Variants in ARID4B observed in about 807,000 individuals in gnomAD.
ARID4B encodes AT-rich interactive domain-containing protein 4B.
Under a neutral mutation model 147.5 loss-of-function variants are expected in ARID4B, and 26 were observed. The observed-to-expected ratio is 0.18, with a 90% confidence interval of 0.13 to 0.24. The LOEUF is 0.24. ARID4B is among the 10% of genes least tolerant of loss of function. The pLI, the probability that ARID4B is intolerant of heterozygous loss-of-function variation, is 1.00. For synonymous variants in ARID4B, 512 were observed against 507.9 expected (o/e 1.01, Z -0.11); for missense variants, 1,179 against 1,511.5 (o/e 0.78, Z 3.65).
chr1:235,231,763 T>C (rs923378976), intron 9 of ARID4B, among the ~76,000 whole-genome samples: 4 of 152,152 alleles, frequency 2.6e-5, no homozygotes, highest in Admixed American at 6.6e-5. Flanking sequence ...ACTGGGATTA[T>C]AGGCATGAGC....
intron 17 of ARID4B, among the ~76,000 whole-genome samples, chr1:235,198,252 C>T (rs900619649): frequency 6.6e-6 from 1 of 152,104 alleles, no homozygotes; most frequent in African/African-American, 2.4e-5. Context: ...GTTTTACTAT[C>T]AATAAAAAAC....
At position 235,287,270 on chromosome 1, in the gene ARID4B, A is replaced by ATT. The variant is rs34889138; in HGVS notation, c.7-26520_7-26519dup. Among the ~76,000 whole-genome samples the ATT allele has an allele frequency of 6.5e-4, 97 of 149,302 alleles. No homozygotes were observed. The South Asian group carries it at 0.013, about 20-fold the overall frequency. ...TAAGACTCTGTCTCAGAAAAAATAA[A>ATT]TTTTTTTTTTTTACCTTTTTTCTCC... On this transcript the variant is annotated intron_variant, in intron 2 of 23. Transcript: ENST00000264183.
rs1461912988 is a variant in ARID4B at position 235,173,788 on chromosome 1, ATATATATATATATATATATATATATG to A, written c.3665-1050_3665-1025del. ...AAAAAAAAAATATATATATATATAT[ATATATATATATATATATATATATATG>A]TATACCTAAAACATATATATATATA... On this transcript the variant is annotated intron_variant, in intron 22 of 23. Coordinates refer to ENST00000264183, the MANE Select transcript of ARID4B (RefSeq NM_016374.6). Among the ~76,000 whole-genome samples the A allele has an allele frequency of 6.8e-3, 473 of 69,270 alleles. 17 individuals carry two copies. Among genetic ancestry groups the A allele is most frequent in the African/African-American group, 0.028 (440 of 15,722 alleles). The allele number at this position is 69,270 out of a possible 152,430, so 45.4% of individuals were successfully genotyped here. A position where few individuals can be genotyped will look rare whatever the true frequency, so the allele number is the denominator to read the frequency against.
At chr1:235,221,472 TAAAG>T in intron 14 of ARID4B, 89 bp downstream of exon 14, 1 of 670,678 alleles carries the variant, frequency 1.5e-6, no homozygotes, top group East Asian at 2.7e-5. Flanking sequence ...CTGATTTCTT[TAAAG>T]AAATAATTAA....
chr1:235,213,057 G>T (rs578102076), intron 17 of ARID4B, among the ~76,000 whole-genome samples: 1 of 152,170 alleles, frequency 6.6e-6, no homozygotes, highest in Admixed American at 6.5e-5. Context: ...AAACTGGCTT[G>T]CCAATTTTGG....
At chr1:235,212,148 A>G (rs1442983135) in intron 17 of ARID4B, among the ~76,000 whole-genome samples, 1 of 152,152 alleles carries the variant, frequency 6.6e-6, no homozygotes, top group Non-Finnish European at 1.5e-5. Context: ...AGGAGGCTGC[A>G]GCACAAGAAT....
chr1:235,310,929 C>T (rs141797601), intron 2 of ARID4B, among the ~76,000 whole-genome samples: 164 of 152,280 alleles, frequency 1.1e-3, no homozygotes, highest in African/African-American at 3.7e-3. Context: ...TATCAGCCTA[C>T]CAAACTGCTG....
chr1:235,232,994 T>C (rs1188502782), intron 9 of ARID4B, among the ~76,000 whole-genome samples: 1 of 152,050 alleles, frequency 6.6e-6, no homozygotes, highest in African/African-American at 2.4e-5. Flanking sequence ...CCCACCACCA[T>C]GCCTGGCTAA....
intron 2 of ARID4B, among the ~76,000 whole-genome samples, chr1:235,315,116 A>G (rs953174724): frequency 6.6e-6 from 1 of 152,206 alleles, no homozygotes; most frequent in African/African-American, 2.4e-5. Flanking sequence ...AAAAGTCTAC[A>G]TATAAAGTAT....
chr1:235,310,964 C>T (rs915904036), intron 2 of ARID4B, among the ~76,000 whole-genome samples: 16 of 152,256 alleles, frequency 1.1e-4, no homozygotes, highest in Admixed American at 9.8e-4. Context: ...AGCCACCGCA[C>T]CCGGCCCCCA....
intron 13 of ARID4B, among the ~76,000 whole-genome samples, chr1:235,222,678 CTTTTT>C (rs35090143): frequency 7.6e-6 from 1 of 130,768 alleles, no homozygotes; most frequent in Admixed American, 7.8e-5. Context: ...GAAAAAAAAT[CTTTTT>C]TTTTTTTTTT....
At chr1:235,226,350 T>C (rs1380814361) in intron 11 of ARID4B, among the ~76,000 whole-genome samples, 2 of 152,088 alleles carry the variant, frequency 1.3e-5, no homozygotes, top group Non-Finnish European at 2.9e-5. Context: ...GGAGCAGTAG[T>C]AATTCTTTTT....
Position 235,213,839 on chromosome 1 carries a change from T to C in ARID4B, c.1771A>G (p.Ser591Gly), listed in dbSNP as rs1666863003. The C allele has an allele frequency of 1.2e-6, 2 of 1,614,026 alleles. No homozygotes were observed. Among genetic ancestry groups the C allele is most frequent in the Non-Finnish European group, 1.7e-6 (2 of 1,179,998 alleles). Residue 591 changes from serine to glycine, a missense_variant, in exon 17 of 24, where the codon AGT becomes GGT. Physicochemically the swap from Ser to Gly is moderately conservative, Grantham distance 56. This residue lies in a region of ARID4B where 28 missense variants were observed against 67.6 expected (regional missense o/e 0.41). Coordinates refer to ENST00000264183, the MANE Select transcript of ARID4B (RefSeq NM_016374.6). ...CCTTCGACATCAGAATCTTTAATAC[T>C]AGCTTCATACATTTTTTGATTTTTC... The part of the protein sequence containing the change: ...RGKNQKMYEA[S>G]IKDSDVEGGE...
chr1:235,234,085 A>C (rs1038466712), intron 9 of ARID4B, among the ~76,000 whole-genome samples: 11 of 152,240 alleles, frequency 7.2e-5, no homozygotes, highest in Admixed American at 7.2e-4. Flanking sequence ...TCTCAAAAAA[A>C]ACAAAAAAAT....
chr1:235,188,566 T>C (rs1664852521), intron 19 of ARID4B, among the ~76,000 whole-genome samples: 1 of 152,118 alleles, frequency 6.6e-6, no homozygotes, highest in African/African-American at 2.4e-5. Context: ...CTAACAACTG[T>C]TGAAGGCACA....
intron 2 of ARID4B, among the ~76,000 whole-genome samples, chr1:235,290,928 T>A (rs1672294183): frequency 6.6e-6 from 1 of 152,320 alleles, no homozygotes; most frequent in South Asian, 2.1e-4. Context: ...CTACCGTGTC[T>A]GTACAAACAA....
chr1:235,302,876 CAGTA>C (rs1335560444), intron 2 of ARID4B, among the ~76,000 whole-genome samples: 1 of 152,148 alleles, frequency 6.6e-6, no homozygotes, highest in African/African-American at 2.4e-5. Flanking sequence ...CATCACAAGG[CAGTA>C]AGTAATAGTG....
At chr1:235,171,382 G>A (rs1031518721) in intron 23 of ARID4B, among the ~76,000 whole-genome samples, 2 of 151,178 alleles carry the variant, frequency 1.3e-5, no homozygotes, top group African/African-American at 4.9e-5. Flanking sequence ...GTAGTGAGCT[G>A]AGATCGCGCC....
chr1:235,244,599 A>G (rs1193781865), intron 7 of ARID4B, among the ~76,000 whole-genome samples: 1 of 152,188 alleles, frequency 6.6e-6, no homozygotes, highest in Non-Finnish European at 1.5e-5. Context: ...AAAGTAATCA[A>G]TTTTGGAATA....
Sources: gnomAD v4.1 joint callset for allele counts (sites outside exome capture counted in the v4.1 genomes callset) on GRCh38, gnomAD v4.1.1 for gene constraint, gnomAD v4.1.1 regional missense constraint, MANE v1.5 for transcripts, NCBI Gene and HGNC (gene_info 2026-07-23, HGNC 2026-07-21) for gene names.